Variants in RBFOX1 observed in about 807,000 individuals in gnomAD.
RBFOX1 encodes RNA binding fox-1 homolog 1.
Under a neutral mutation model 57.7 loss-of-function variants are expected in RBFOX1, and 8 were observed. The ratio of observed to expected loss-of-function variants is 0.14; its 90% confidence interval spans 0.08 to 0.25. RBFOX1 has a LOEUF of 0.25. Among genes scored for constraint, RBFOX1 ranks in the 10% least tolerant of loss-of-function variants. The pLI, the probability that RBFOX1 is intolerant of heterozygous loss-of-function variation, is 1.00. For missense variants in RBFOX1, 611 were observed against 548.5 expected (o/e 1.11, Z -1.14); for synonymous variants, 326 against 222.4 (o/e 1.47, Z -4.15).
intron 3 of RBFOX1, among the ~76,000 whole-genome samples, chr16:6,829,694 T>G (rs1212937052): frequency 6.6e-6 from 1 of 152,092 alleles, no homozygotes; most frequent in East Asian, 1.9e-4. Flanking sequence ...CTCCGTCTCC[T>G]GGGTTCAAGA....
chr16:6,139,609 A>C (rs947423124), intron 1 of RBFOX1, among the ~76,000 whole-genome samples: 8 of 152,162 alleles, frequency 5.3e-5, no homozygotes, highest in Admixed American at 3.3e-4. Flanking sequence ...TTATCCCCCA[A>C]ATTGTCAGCA....
intron 3 of RBFOX1, among the ~76,000 whole-genome samples, chr16:6,689,281 T>C (rs187464448): frequency 6.6e-5 from 10 of 152,312 alleles, no homozygotes; most frequent in African/African-American, 1.9e-4. Flanking sequence ...TGTTTTCATA[T>C]GTGTTTATAA....
intron 3 of RBFOX1, among the ~76,000 whole-genome samples, chr16:5,761,939 C>T (rs1336449896): frequency 6.6e-6 from 1 of 152,146 alleles, no homozygotes; most frequent in East Asian, 1.9e-4. Flanking sequence ...TCCCAGGAGG[C>T]AGGGATGGGA....
At chr16:5,245,846 T>A (rs2062285714) in intron 1 of RBFOX1, among the ~76,000 whole-genome samples, 1 of 152,250 alleles carries the variant, frequency 6.6e-6, no homozygotes, top group South Asian at 2.1e-4. Flanking sequence ...AATTAACCAT[T>A]TAATCGTGGA....
chr16:5,730,025 T>G (rs1193172248), intron 3 of RBFOX1, among the ~76,000 whole-genome samples: 1 of 152,170 alleles, frequency 6.6e-6, no homozygotes, highest in African/African-American at 2.4e-5. Flanking sequence ...AATCCTGCCT[T>G]CATCTAGACT....
At chr16:6,680,592 G>C (rs973062867) in intron 3 of RBFOX1, among the ~76,000 whole-genome samples, 6 of 152,222 alleles carry the variant, frequency 3.9e-5, no homozygotes, top group East Asian at 3.9e-4. Context: ...CCTCCTAGCA[G>C]ATGATTTGAC....
intron 4 of RBFOX1, among the ~76,000 whole-genome samples, chr16:5,948,140 CTCTT>C (rs1407784033): frequency 6.6e-6 from 1 of 152,156 alleles, no homozygotes; most frequent in Non-Finnish European, 1.5e-5. Flanking sequence ...ACAGGGGTGA[CTCTT>C]TCCCTAATGC....
chr16:7,544,775 A>G (rs1484163996), intron 5 of RBFOX1, among the ~76,000 whole-genome samples: 1 of 151,890 alleles, frequency 6.6e-6, no homozygotes, highest in Admixed American at 6.6e-5. Context: ...CACATGAGAT[A>G]TTTTTTCTTG....
intron 1 of RBFOX1, among the ~76,000 whole-genome samples, chr16:5,273,499 C>T (rs1439310438): frequency 6.6e-6 from 1 of 152,146 alleles, no homozygotes; most frequent in African/African-American, 2.4e-5. Context: ...TGCATCACCT[C>T]CCTGAAGAGG....
chr16:5,617,331 G>A (rs1057261528), intron 3 of RBFOX1, among the ~76,000 whole-genome samples: 2 of 152,092 alleles, frequency 1.3e-5, no homozygotes, highest in African/African-American at 4.8e-5. Flanking sequence ...ACTTATTCCT[G>A]CTACCCATGG....
chr16:7,274,945 A>G (rs1038507085), intron 4 of RBFOX1, among the ~76,000 whole-genome samples: 1 of 152,182 alleles, frequency 6.6e-6, no homozygotes, highest in Middle Eastern at 3.4e-3. Context: ...CGGCCTCCCA[A>G]AGTGCTGGAA....
intron 3 of RBFOX1, among the ~76,000 whole-genome samples, chr16:6,675,131 C>G (rs544232713): frequency 2.0e-5 from 3 of 152,194 alleles, no homozygotes; most frequent in African/African-American, 7.2e-5. Context: ...GTCTCGATCT[C>G]TTGACCTCGT....
chr16:6,846,313 C>G (rs1194647015), intron 3 of RBFOX1, among the ~76,000 whole-genome samples: 2 of 152,142 alleles, frequency 1.3e-5, no homozygotes, highest in African/African-American at 2.4e-5. Flanking sequence ...GGACACATCA[C>G]AGACTCACTC....
At chr16:6,503,760 G>A (rs935358620) in intron 2 of RBFOX1, among the ~76,000 whole-genome samples, 1 of 152,130 alleles carries the variant, frequency 6.6e-6, no homozygotes, top group Non-Finnish European at 1.5e-5. Flanking sequence ...GCCAATCCCA[G>A]AGTGAGTGAT....
intron 4 of RBFOX1, among the ~76,000 whole-genome samples, chr16:7,153,194 A>G (rs1390398597): frequency 6.6e-6 from 1 of 150,918 alleles, no homozygotes; most frequent in Non-Finnish European, 1.5e-5. Flanking sequence ...GGACATAATC[A>G]TTTTTTTTTT....
At chr16:5,657,466 G>T (rs1435446451) in intron 3 of RBFOX1, among the ~76,000 whole-genome samples, 1 of 152,142 alleles carries the variant, frequency 6.6e-6, no homozygotes, top group Non-Finnish European at 1.5e-5. Flanking sequence ...GGTGGAATAA[G>T]AATGCAAGGC....
At chr16:6,706,354 C>G (rs893221288) in intron 3 of RBFOX1, among the ~76,000 whole-genome samples, 8 of 152,130 alleles carry the variant, frequency 5.3e-5, no homozygotes, top group African/African-American at 1.9e-4. Context: ...ATGTGCAAAA[C>G]TGTTATGCAA....
chr16:5,687,871 C>A (rs915445072), intron 3 of RBFOX1, among the ~76,000 whole-genome samples: 2 of 152,308 alleles, frequency 1.3e-5, no homozygotes, highest in South Asian at 2.1e-4. Context: ...TTGGCATCCC[C>A]TGTGTACCAG....
chr16:6,860,459 C>T lies in RBFOX1; in HGVS notation c.-15-191598C>T, dbSNP rs193099388. ...CGGGGGCAGCGGGCGCTCTACCGTG[C>T]TGCTGATGGAAGAGTATATTGATGC... On this transcript the variant is annotated intron_variant, in intron 3 of 15. Coordinates refer to ENST00000550418, the MANE Select transcript of RBFOX1 (RefSeq NM_018723.4). Among the ~76,000 whole-genome samples, 29 of 152,296 alleles carry T rather than the reference C, an allele frequency of 1.9e-4. 1 individual carries two copies. In the East Asian group the frequency reaches 5.0e-3, roughly 26 times the overall value.
Sources: gnomAD v4.1 joint callset for allele counts (sites outside exome capture counted in the v4.1 genomes callset) on GRCh38, gnomAD v4.1.1 for gene constraint, MANE v1.5 for transcripts, NCBI Gene and HGNC (gene_info 2026-07-23, HGNC 2026-07-21) for gene names.